Variants in TRAPPC9 observed in about 807,000 individuals in gnomAD.
TRAPPC9 encodes IKK2 binding protein.
A neutral mutation model predicts 124.0 loss-of-function variants in TRAPPC9; 83 were observed. The ratio of observed to expected loss-of-function variants is 0.67; its 90% CI spans 0.56 to 0.80. The LOEUF is 0.80. Ranked by LOEUF, TRAPPC9 falls within the 30% of genes least tolerant of loss-of-function variation. The pLI is 0.00. For missense variants in TRAPPC9, 1,302 were observed against 1,508.3 expected (o/e 0.86, Z 2.27); for synonymous variants, 638 against 617.5 (o/e 1.03, Z -0.49).
At chr8:139,758,351 A>C (rs911398762) in intron 21 of TRAPPC9, among the ~76,000 whole-genome samples, 2 of 152,362 alleles carry the variant, frequency 1.3e-5, no homozygotes, top group South Asian at 2.1e-4. Flanking sequence ...TTGGTGATGA[A>C]GGCTTTATCC....
At chr8:140,413,503 C>A (rs1259135185) in intron 5 of TRAPPC9, among the ~76,000 whole-genome samples, 2 of 150,316 alleles carry the variant, frequency 1.3e-5, no homozygotes, top group Non-Finnish European at 3.0e-5. Flanking sequence ...TACTGAAGAA[C>A]AAAGTCTTTT....
rs765656679 is a variant in TRAPPC9, at chr8:140,018,324, A to ATTTTTTCTTTTTTTTTTTTTTTTTTTT, written c.2699+5612_2699+5613insAAAAAAAAAAAAAAAAAAAAGAAAAAA. Among the ~76,000 whole-genome samples, 9 of 119,778 alleles carry ATTTTTTCTTTTTTTTTTTTTTTTTTTT rather than the reference A, an allele frequency of 7.5e-5. 4 individuals carry two copies. The highest frequency in any genetic ancestry group is 6.7e-5 in the Non-Finnish European group (4 of 59,274). The allele number at this position is 119,778 out of a possible 152,430, so 78.6% of individuals were successfully genotyped here. ...TTGCTGGTATATAGAAACGTAAGTG[A>ATTTTTTCTTTTTTTTTTTTTTTTTTTT]TTTTTTTTTTTTTTTTTGAGACGGA... On this transcript the variant is annotated intron_variant, in intron 18 of 22. Transcript: ENST00000438773.
At position 140,453,717 on chromosome 8, in the gene TRAPPC9, C is replaced by T. The variant is rs963333701; in HGVS notation, c.-10-2334G>A. Among the ~76,000 whole-genome samples the T allele has an allele frequency of 1.1e-3, 161 of 152,182 alleles. 1 individual carries two copies. Among genetic ancestry groups the T allele is most frequent in the African/African-American group, 3.7e-3 (154 of 41,428 alleles). On this transcript the variant is annotated intron_variant, in intron 1 of 22. Transcript: ENST00000438773. The stretch of plus-strand genomic sequence containing the variant: ...CCAGTGCTCACGCTCTCAAGGACGA[C>T]GCCCCACTCTCTCCTGCCCTTTCCC...
chr8:140,019,540 GTCTTTT>G (rs1839694765), intron 18 of TRAPPC9, among the ~76,000 whole-genome samples: 1 of 73,276 alleles, frequency 1.4e-5, no homozygotes, highest in Admixed American at 1.4e-4. Context: ...AGTAATTTGT[GTCTTTT>G]TTTTTTTTTT....
At chr8:139,787,874 G>C (rs1586841529) in intron 21 of TRAPPC9, among the ~76,000 whole-genome samples, 3 of 152,120 alleles carry the variant, frequency 2.0e-5, no homozygotes, top group Non-Finnish European at 2.9e-5. Context: ...TGTGTCCTGG[G>C]TGAAAATCTT....
intron 5 of TRAPPC9, among the ~76,000 whole-genome samples, chr8:140,407,427 G>A (rs11997486): frequency 0.029 from 4,337 of 151,834 alleles, 211 homozygotes; most frequent in African/African-American, 0.094. Context: ...AATGGTGGGG[G>A]GGGGCGGGTC....
At chr8:139,897,991 G>A (rs1027301766) in intron 20 of TRAPPC9, among the ~76,000 whole-genome samples, 1 of 152,258 alleles carries the variant, frequency 6.6e-6, no homozygotes, top group Non-Finnish European at 1.5e-5. Flanking sequence ...GAAGTTTTCT[G>A]GGGGACGACG....
intron 17 of TRAPPC9, among the ~76,000 whole-genome samples, chr8:140,069,291 T>G (rs1563736394): frequency 6.6e-6 from 1 of 152,218 alleles, no homozygotes. Flanking sequence ...CAAAGCCCAC[T>G]GTCAACCTTC....
chr8:140,070,567 T>A (rs991755211), intron 17 of TRAPPC9, among the ~76,000 whole-genome samples: 10 of 152,212 alleles, frequency 6.6e-5, no homozygotes, highest in Non-Finnish European at 1.0e-4. Flanking sequence ...AACCAGACTG[T>A]TCTTGCTCCA....
intron 19 of TRAPPC9, among the ~76,000 whole-genome samples, chr8:139,979,650 G>C (rs557535596): frequency 6.6e-6 from 1 of 152,138 alleles, no homozygotes; most frequent in Non-Finnish European, 1.5e-5. Flanking sequence ...CTCTAGTACA[G>C]CAAGAGGGAG....
chr8:139,881,016 A>G (rs1829646728), intron 21 of TRAPPC9: 1 of 152,252 alleles, frequency 6.6e-6, no homozygotes, highest in African/African-American at 2.4e-5. Flanking sequence ...TCCAGGATAA[A>G]GGGATTATAT....
intron 17 of TRAPPC9, among the ~76,000 whole-genome samples, chr8:140,092,076 C>CA (rs531147407): frequency 0.15 from 11,578 of 77,678 alleles, 569 homozygotes; most frequent in Middle Eastern, 0.25. Flanking sequence ...CCAAGCACTC[C>CA]AAAAAAAAAA....
chr8:139,738,319 T>C (rs1818335752), intron 21 of TRAPPC9, among the ~76,000 whole-genome samples: 1 of 152,194 alleles, frequency 6.6e-6, no homozygotes, highest in Admixed American at 6.5e-5. Context: ...GAAGGGGTCA[T>C]GTGGTTGACA....
intron 17 of TRAPPC9, among the ~76,000 whole-genome samples, chr8:140,115,941 G>A (rs189706433): frequency 3.3e-5 from 5 of 152,246 alleles, no homozygotes; most frequent in Admixed American, 1.3e-4. Flanking sequence ...CAACAGGTGC[G>A]GATTATGATT....
In TRAPPC9 at chr8:139,729,414, T is replaced by A. The variant is rs774908025; in HGVS notation, c.*1647A>T. ...GGCCCTCAACTACGCTGAGGCATCC[T>A]GAACGGAAGGGCTGAAGAGACCGCC... On this transcript the variant is annotated 3_prime_UTR_variant, in exon 23 of 23. Coordinates refer to ENST00000438773, the MANE Select transcript of TRAPPC9 (RefSeq NM_001160372.4). Among the ~76,000 whole-genome samples the A allele has an allele frequency of 1.4e-4, 22 of 152,234 alleles. No homozygotes were observed. Among genetic ancestry groups the A allele is most frequent in the Non-Finnish European group, 1.5e-5 (1 of 68,042 alleles).
At chr8:140,346,192 A>G (rs1251828633) in intron 9 of TRAPPC9, among the ~76,000 whole-genome samples, 1 of 152,228 alleles carries the variant, frequency 6.6e-6, no homozygotes, top group Non-Finnish European at 1.5e-5. Flanking sequence ...CCTGGAGTGC[A>G]TCGGCTGGGG....
intron 14 of TRAPPC9, 137 bp from the exon 15 acceptor site, chr8:140,275,958 T>C: frequency 1.4e-6 from 1 of 707,516 alleles, no homozygotes; most frequent in Non-Finnish European, 2.4e-6. Context: ...GCTTCATATA[T>C]GGAGTTCAGT....
intron 21 of TRAPPC9, among the ~76,000 whole-genome samples, chr8:139,858,328 G>T: frequency 6.6e-6 from 1 of 152,218 alleles, no homozygotes; most frequent in South Asian, 2.1e-4. Context: ...CGATCATAAG[G>T]AGGGTTGTGC....
intron 7 of TRAPPC9, among the ~76,000 whole-genome samples, chr8:140,375,366 T>C (rs2068407110): frequency 6.6e-6 from 1 of 152,236 alleles, no homozygotes; most frequent in Admixed American, 6.5e-5. Flanking sequence ...GGAGCTTTAT[T>C]CACAAGGCAG....
Sources: gnomAD v4.1 joint callset for allele counts (sites outside exome capture counted in the v4.1 genomes callset) on GRCh38, gnomAD v4.1.1 for gene constraint, MANE v1.5 for transcripts, NCBI Gene and HGNC (gene_info 2026-07-23, HGNC 2026-07-21) for gene names.